DCP2: variants seen among roughly 807,000 people sequenced by gnomAD.
DCP2 encodes m7GpppN-mRNA hydrolase.
In DCP2, 30 loss-of-function variants were observed where a neutral mutation model predicts 56.1. That is an observed-to-expected ratio of 0.53 (90% CI 0.40 to 0.73). The LOEUF (loss-of-function observed/expected upper bound fraction) is 0.73, where lower values mean the gene tolerates loss of function less well. Ranked by LOEUF, DCP2 falls within the 30% of genes least tolerant of loss-of-function variation. The pLI, the probability that DCP2 is intolerant of heterozygous loss-of-function variation, is 0.00. For missense variants in DCP2, 533 were observed against 502.7 expected, an observed-to-expected ratio of 1.06 and a Z score of -0.58; for synonymous variants, 197 against 163.3, an observed-to-expected ratio of 1.21 and a Z score of -1.57.
intron 2 of DCP2, among the ~76,000 whole-genome samples, chr5:112,987,208 A>G (rs1368909685): frequency 6.6e-6 from 1 of 152,182 alleles, no homozygotes; most frequent in Non-Finnish European, 1.5e-5. Flanking sequence ...AAAAGTGGAA[A>G]TATTTTAGGG....
At position 112,977,004 on chromosome 5, in the gene DCP2, C is replaced by A. The variant is rs1323751817; in HGVS notation, c.53+18C>A. The A allele has an allele frequency of 2.0e-6, 3 of 1,496,722 alleles. No homozygotes were observed. The highest frequency in any genetic ancestry group is 2.7e-6 in the Non-Finnish European group (3 of 1,112,322). 92.7% of individuals were successfully genotyped at this position (1,496,722 alleles called of 1,614,324 possible). ...CTCTGCAGGTACCGCGCTACCCGAC[C>A]CCCTTTCGCCCCCGTCGGGTTTTCT... On this transcript the variant is annotated intron_variant, in intron 1 of 10. Coordinates refer to ENST00000389063, the MANE Select transcript of DCP2 (RefSeq NM_152624.6).
intron 2 of DCP2, among the ~76,000 whole-genome samples, chr5:112,988,093 GAAAATGGATGA>G (rs1325292050): frequency 1.3e-5 from 2 of 152,066 alleles, no homozygotes; most frequent in East Asian, 3.9e-4. Flanking sequence ...GGGCTCTGTA[GAAAATGGATGA>G]AACAGTGATT....
At chr5:113,003,878 A>T in intron 7 of DCP2, 64 bp from the exon 8 acceptor site, 2 of 1,531,268 alleles carry the variant, frequency 1.3e-6, no homozygotes, top group South Asian at 1.1e-5. Flanking sequence ...TTTAACTATT[A>T]AGGTGTTAAA....
chr5:113,004,321 T>C (rs559438921), intron 8 of DCP2, among the ~76,000 whole-genome samples: 21 of 152,340 alleles, frequency 1.4e-4, no homozygotes, highest in African/African-American at 5.0e-4. Context: ...CAATGAAAGG[T>C]TCATTTAAAA....
At chr5:112,979,468 T>A (rs928152567) in intron 1 of DCP2, among the ~76,000 whole-genome samples, 2 of 152,166 alleles carry the variant, frequency 1.3e-5, no homozygotes, top group Admixed American at 1.3e-4. Flanking sequence ...TTTCTGAACT[T>A]CTTTGCTCTC....
intron 4 of DCP2, among the ~76,000 whole-genome samples, chr5:112,997,685 C>T (rs1216902958): frequency 6.6e-6 from 1 of 151,416 alleles, no homozygotes; most frequent in Non-Finnish European, 1.5e-5. Flanking sequence ...TCTCAGTTCA[C>T]TGCACCCCAA....
chr5:112,985,276 T>G (rs1258462902), intron 1 of DCP2, among the ~76,000 whole-genome samples: 1 of 152,040 alleles, frequency 6.6e-6, no homozygotes, highest in East Asian at 1.9e-4. Flanking sequence ...AAAAGAAATA[T>G]GTCTTTCCTT....
At position 112,984,686 on chromosome 5, in the gene DCP2, T is replaced by TAAA. The variant is rs60727810; in HGVS notation, c.54-1133_54-1131dup. On this transcript the variant is annotated intron_variant, in intron 1 of 10. Transcript: ENST00000389063. ...TGCAGTGTTGTTTTTATTTCTTAAT[T>TAAA]AAAAAAAAAAAAAAAAAATATATAT... is the stretch of plus-strand genomic sequence containing the variant. 7 of 89,492 alleles carry TAAA rather than the reference T, an allele frequency of 7.8e-5. 1 individual carries two copies. The highest frequency in any genetic ancestry group is 3.2e-4 in the African/African-American group (6 of 19,036). The allele number at this position is 89,492 out of a possible 1,614,324, so 5.5% of individuals were successfully genotyped here. A position where few individuals can be genotyped will look rare whatever the true frequency, so the allele number is the denominator to read the frequency against.
chr5:112,986,923 A>C (rs1371773716), intron 2 of DCP2, among the ~76,000 whole-genome samples: 1 of 152,126 alleles, frequency 6.6e-6, no homozygotes, highest in Non-Finnish European at 1.5e-5. Flanking sequence ...GGGTCTCTTG[A>C]GCCTGGGAGG....
chr5:113,000,410 A>ACC (rs1561697546), intron 4 of DCP2, among the ~76,000 whole-genome samples: 5 of 103,344 alleles, frequency 4.8e-5, no homozygotes, highest in South Asian at 3.7e-4. Flanking sequence ...ACACACACAC[A>ACC]CACACACACA....
chr5:113,021,881 T>TAAC lies in DCP2; in HGVS notation c.*8398_*8400dup, dbSNP rs963342234. On this transcript the variant is annotated 3_prime_UTR_variant, in exon 11 of 11. Transcript: ENST00000389063. ...AGGGGAAAAGACTCTCTTCAATAGA[T>TAAC]AACTTCCTATTTATGCCAAATTTTA... 1.3e-5 allele frequency among the ~76,000 whole-genome samples: 2 copies of TAAC among 152,240 alleles called. No individual in the cohort carries two copies. The highest frequency in any genetic ancestry group is 2.4e-5 in the African/African-American group (1 of 41,470).
rs149633478 is a variant in DCP2, at chr5:113,013,412, C to T, written c.1191C>T (p.Phe397=). The stretch of plus-strand genomic sequence containing the variant: ...TGGCATGTAATGGACATTGCAAGTT[C>T]CCCTTTTCATCCAGAGCCTTTTTGA... The part of the protein sequence containing the change: ...QPVACNGHCK[F]PFSSRAFLSF... The change falls in exon 11 of 11, where the codon TTC becomes TTT. Residue 397 remains phenylalanine (F), a synonymous_variant. Transcript: ENST00000389063. 3.8e-4 allele frequency: 611 copies of T among 1,614,082 alleles called. 4 individuals carry two copies. Among genetic ancestry groups the T allele is most frequent in the South Asian group, 3.6e-3 (328 of 91,070 alleles).
chr5:112,977,375 T>A (rs1433132650), intron 1 of DCP2, among the ~76,000 whole-genome samples: 1 of 152,174 alleles, frequency 6.6e-6, no homozygotes, highest in Non-Finnish European at 1.5e-5. Context: ...CTCCTCCCTG[T>A]GTCTCATTCC....
intron 4 of DCP2, among the ~76,000 whole-genome samples, chr5:112,997,004 A>G (rs1580814151): frequency 1.3e-5 from 2 of 152,242 alleles, no homozygotes; most frequent in South Asian, 4.1e-4. Context: ...CCAAATGTAC[A>G]TTGGCGTTTC....
intron 4 of DCP2, among the ~76,000 whole-genome samples, chr5:112,999,605 G>T (rs1490254843): frequency 6.6e-6 from 1 of 151,550 alleles, no homozygotes; most frequent in African/African-American, 2.4e-5. Context: ...GGGATTACAG[G>T]CGTGAGCCAT....
intron 2 of DCP2, 55 bp downstream of exon 2, chr5:112,986,041 A>T: frequency 6.9e-7 from 1 of 1,454,358 alleles, no homozygotes; most frequent in Non-Finnish European, 9.2e-7. Context: ...ATATTTTAGC[A>T]CAAATTTCTT....
chr5:113,008,259 T>G (rs1205187585), intron 9 of DCP2: 1 of 408,428 alleles, frequency 2.4e-6, no homozygotes, highest in Non-Finnish European at 4.4e-6. Flanking sequence ...TACATCTAAT[T>G]TTTTATGTGG....
chr5:112,981,654 T>C (rs1748012142), intron 1 of DCP2, among the ~76,000 whole-genome samples: 1 of 152,246 alleles, frequency 6.6e-6, no homozygotes, highest in African/African-American at 2.4e-5. Flanking sequence ...GCAGAATATC[T>C]GAATGAATTC....
intron 2 of DCP2, among the ~76,000 whole-genome samples, chr5:112,987,734 A>T (rs1278916555): frequency 1.4e-5 from 2 of 147,694 alleles, no homozygotes; most frequent in African/African-American, 5.0e-5. Context: ...TTGGCCTACC[A>T]AAGTGCTGGG....
Sources: gnomAD v4.1 joint callset for allele counts (sites outside exome capture counted in the v4.1 genomes callset) on GRCh38, gnomAD v4.1.1 for gene constraint, MANE v1.5 for transcripts, NCBI Gene and HGNC (gene_info 2026-07-23, HGNC 2026-07-21) for gene names.